The following TEX11 variants were observed in gnomAD, a reference collection of about 807,000 sequenced individuals.
TEX11 encodes testis-expressed protein 11.
In TEX11, 7 loss-of-function variants were observed where a neutral mutation model predicts 84.4. That is an observed-to-expected ratio of 0.08 (90% CI 0.05 to 0.16). The LOEUF (loss-of-function observed/expected upper bound fraction) is 0.16. TEX11 is among the 10% of genes least tolerant of loss of function. TEX11 has a pLI of 1.00. For synonymous variants in TEX11, 264 were observed against 222.8 expected (o/e 1.18, Z -1.64); for missense variants, 551 against 660.5 (o/e 0.83, Z 1.82).
chrX:70,725,314 T>C lies in TEX11; in HGVS notation c.873A>G (p.Leu291=), dbSNP rs2090591505. 8.4e-7 allele frequency: 1 copy of C among 1,195,833 alleles called. No individual in the cohort carries two copies. The highest frequency in any genetic ancestry group is 2.2e-5 in the Admixed American group (1 of 45,697). Residue 291 remains leucine (L), a synonymous_variant, in exon 12 of 30, where the codon TTA becomes TTG. Coordinates refer to ENST00000374333, the MANE Select transcript of TEX11 (RefSeq NM_031276.3). ...CGCCTTTCAAGAGGATTTTCATTTT[T>C]AAGAAAAGCCCAGGAGAACTTAAAT... The part of the protein sequence containing the change: ...KEHLSSPGLF[L]KMKILLKGET...
intron 20 of TEX11, among the ~76,000 whole-genome samples, chrX:70,622,856 A>G (rs1424577727): frequency 1.8e-5 from 2 of 111,980 alleles, no homozygotes; most frequent in Admixed American, 1.9e-4. Context: ...TATTTCATCC[A>G]TACATATTTC....
chrX:70,735,063 T>C (rs2090685436), intron 11 of TEX11, among the ~76,000 whole-genome samples: 1 of 111,983 alleles, frequency 8.9e-6, no homozygotes, highest in South Asian at 3.7e-4. Context: ...TATGATTTTT[T>C]TTTTTTGAGA....
At chrX:70,560,901 T>G (rs1019533605) in intron 25 of TEX11, among the ~76,000 whole-genome samples, 2 of 49,675 alleles carry the variant, frequency 4.0e-5, no homozygotes, top group Admixed American at 3.3e-4. Flanking sequence ...CGGTTTTTTT[T>G]TTTTTTTTTT....
intron 7 of TEX11, among the ~76,000 whole-genome samples, chrX:70,836,030 C>T (rs1227606913): frequency 1.9e-5 from 2 of 106,085 alleles, no homozygotes; most frequent in African/African-American, 3.4e-5. Context: ...GCAGGAGAAT[C>T]GCTTGAACCC....
chrX:70,700,441 C>T (rs1293121958), intron 13 of TEX11, among the ~76,000 whole-genome samples: 1 of 111,524 alleles, frequency 9.0e-6, no homozygotes, highest in African/African-American at 3.3e-5. Flanking sequence ...ATTATTATAA[C>T]TGTAACCAGT....
chrX:70,786,519 C>A (rs2147790692), intron 9 of TEX11, among the ~76,000 whole-genome samples: 1 of 111,021 alleles, frequency 9.0e-6, no homozygotes, highest in South Asian at 3.9e-4. Context: ...CAATCCTTCC[C>A]AAACTCTTCC....
At chrX:70,514,954 G>C in the TEX11 span, among the ~76,000 whole-genome samples, 1 of 109,415 alleles carries the variant, frequency 9.1e-6, no homozygotes, top group African/African-American at 3.3e-5. Context: ...TGTAATCCCA[G>C]CTACTCGGGA....
At chrX:70,891,009 G>A (rs763152949) in intron 2 of TEX11, among the ~76,000 whole-genome samples, 4 of 111,959 alleles carry the variant, frequency 3.6e-5, no homozygotes, top group Non-Finnish European at 7.5e-5. Context: ...AGCTTCCAGG[G>A]GAAGGATAAG....
At chrX:70,565,935 G>C (rs2088466524) in intron 25 of TEX11, among the ~76,000 whole-genome samples, 1 of 109,960 alleles carries the variant, frequency 9.1e-6, no homozygotes, top group Non-Finnish European at 1.9e-5. Context: ...TTCCAATTCT[G>C]TGAAGAAAGT....
chrX:70,838,287 C>T (rs937349931), intron 7 of TEX11, among the ~76,000 whole-genome samples: 5 of 110,490 alleles, frequency 4.5e-5, no homozygotes, highest in Non-Finnish European at 7.6e-5. Flanking sequence ...AGCATGGTGG[C>T]GGCTGTCTGT....
At chrX:70,741,933 A>G (rs1335405205) in intron 10 of TEX11, among the ~76,000 whole-genome samples, 1 of 112,099 alleles carries the variant, frequency 8.9e-6, no homozygotes, top group Non-Finnish European at 1.9e-5. Context: ...CACTTCTAGT[A>G]GTGTTTTTTA....
chrX:70,544,398 G>A (rs1381641323), intron 28 of TEX11, among the ~76,000 whole-genome samples: 3 of 108,864 alleles, frequency 2.8e-5, no homozygotes, highest in Non-Finnish European at 3.8e-5. Flanking sequence ...GTGGTGGTGC[G>A]CACGTGTGGT....
At chrX:70,730,449 T>C (rs1411014782) in intron 11 of TEX11, among the ~76,000 whole-genome samples, 1 of 111,591 alleles carries the variant, frequency 9.0e-6, no homozygotes, top group Non-Finnish European at 1.9e-5. Flanking sequence ...AATAAAGGGA[T>C]GGAGGAAGAT....
chrX:70,744,266 A>C, intron 9 of TEX11, 47 bp from the exon 10 acceptor site: 1 of 537,061 alleles, frequency 1.9e-6, no homozygotes, highest in Non-Finnish European at 2.5e-6. Context: ...ATAAACATAT[A>C]TCCATTTCAA....
intron 17 of TEX11, among the ~76,000 whole-genome samples, chrX:70,636,878 A>AC (rs1456046060): frequency 1.8e-5 from 2 of 112,016 alleles, no homozygotes; most frequent in Non-Finnish European, 3.8e-5. Flanking sequence ...AAAACAGCCT[A>AC]CCCATAGTTC....
At chrX:70,832,648 C>A (rs191621805) in intron 8 of TEX11, among the ~76,000 whole-genome samples, 1 of 111,653 alleles carries the variant, frequency 9.0e-6, no homozygotes, top group African/African-American at 3.2e-5. Context: ...TTATTAATCC[C>A]TCTGTGATAG....
chrX:70,594,076 A>G (rs1477748604), intron 24 of TEX11, among the ~76,000 whole-genome samples: 1 of 111,970 alleles, frequency 8.9e-6, no homozygotes, highest in Non-Finnish European at 1.9e-5. Flanking sequence ...ACCAAGATAC[A>G]TTACAAAATG....
chrX:70,706,164 A>T (rs956270691), intron 13 of TEX11, among the ~76,000 whole-genome samples: 1 of 110,949 alleles, frequency 9.0e-6, no homozygotes. Flanking sequence ...TGTAGGGACA[A>T]AGATGAAGCT....
At chrX:70,546,223 C>T (rs1471254360) in intron 28 of TEX11, among the ~76,000 whole-genome samples, 2 of 111,430 alleles carry the variant, frequency 1.8e-5, no homozygotes, top group Non-Finnish European at 3.8e-5. Flanking sequence ...TCATTTAGAC[C>T]CTACCTCACA....
Sources: gnomAD v4.1 joint callset for allele counts (sites outside exome capture counted in the v4.1 genomes callset) on GRCh38, gnomAD v4.1.1 for gene constraint, MANE v1.5 for transcripts, NCBI Gene and HGNC (gene_info 2026-07-23, HGNC 2026-07-21) for gene names.